Variants in RAB7A observed in about 807,000 individuals in gnomAD.
RAB7A encodes the protein ras-related protein Rab-7a.
In RAB7A, 2 loss-of-function variants were observed where a neutral mutation model predicts 24.5. The observed-to-expected ratio is 0.08, with a 90% CI of 0.03 to 0.26. The LOEUF (loss-of-function observed/expected upper bound fraction) is 0.26, where lower values mean the gene tolerates loss of function less well. Ranked by LOEUF, RAB7A falls within the 10% of genes least tolerant of loss-of-function variation. The probability of loss-of-function intolerance (pLI) is 1.00; values close to 1 mark genes in which losing one functional copy is unlikely to be tolerated. For missense variants in RAB7A, 118 were observed against 255.7 expected, an observed-to-expected ratio of 0.46 and a Z score of 3.67; for synonymous variants, 100 against 95.9, an observed-to-expected ratio of 1.04 and a Z score of -0.25.
chr3:128,748,113 C>A (rs553166904), intron 1 of RAB7A, among the ~76,000 whole-genome samples: 66 of 152,316 alleles, frequency 4.3e-4, no homozygotes, highest in African/African-American at 1.5e-3. Flanking sequence ...CCTAGAGGCC[C>A]CCTACTGGCC....
rs189685767 is a variant in RAB7A, at chr3:128,809,192, T to G, written c.528+1521T>G. On this transcript the variant is annotated intron_variant, in intron 5 of 5. Transcript: ENST00000265062. The stretch of plus-strand genomic sequence containing the variant: ...GTCCCTGTTGTCTTTATGCTTTTAT[T>G]TTTAGAGCTAGCCCTTAAGAAGTTA... Among the ~76,000 whole-genome samples, 4 of 152,350 alleles carry G rather than the reference T, an allele frequency of 2.6e-5. No homozygotes were observed. The East Asian group carries it at 7.7e-4, about 29-fold the overall frequency.
chr3:128,809,936 C>CTTTTTTT (rs869119619), intron 5 of RAB7A, among the ~76,000 whole-genome samples: 525 of 52,244 alleles, frequency 0.01, 147 homozygotes, highest in African/African-American at 0.02. Context: ...TTGCCACAGT[C>CTTTTTTT]TTTTTTTTTT....
chr3:128,813,472 G>A lies in RAB7A; in HGVS notation c.*50G>A, dbSNP rs755728008. 17 of 1,517,096 alleles carry A rather than the reference G, an allele frequency of 1.1e-5. No homozygotes were observed. In the African/African-American group the frequency reaches 1.2e-4, roughly 11 times the overall value. The allele number at this position is 1,517,096 out of a possible 1,614,324, so 94.0% of individuals were successfully genotyped here. A position where few individuals can be genotyped will look rare whatever the true frequency, so the allele number is the denominator to read the frequency against. On this transcript the variant is annotated 3_prime_UTR_variant, in exon 6 of 6. Coordinates refer to ENST00000265062, the MANE Select transcript of RAB7A (RefSeq NM_004637.6). ...AGTCCTTCACAAACCAAGAACACACGTAGGCCTTCAACACAATTCCCCTCT... is the reference window on the plus strand; with the variant it reads ...AGTCCTTCACAAACCAAGAACACACATAGGCCTTCAACACAATTCCCCTCT...
At chr3:128,805,117 TTTTGTTTGTTTGTTTG>T (rs113016574) in intron 3 of RAB7A, among the ~76,000 whole-genome samples, 1 of 151,970 alleles carries the variant, frequency 6.6e-6, no homozygotes, top group Non-Finnish European at 1.5e-5. Context: ...CCAAGTGTTC[TTTTGTTTGTTTGTTTG>T]TTTGTTTGTT....
chr3:128,775,741 T>C lies in RAB7A; in HGVS notation c.-8-19619T>C, dbSNP rs564570667. Among the ~76,000 whole-genome samples, 5 of 152,298 alleles carry C rather than the reference T, an allele frequency of 3.3e-5. No homozygotes were observed. In the East Asian group the frequency reaches 9.6e-4, roughly 29 times the overall value. ...CCATGAAATGCCTGTTAAGTAGAAT[T>C]CTTTTTTTTTAACTTGACAAGTAAT... On this transcript the variant is annotated intron_variant, in intron 1 of 5. Coordinates refer to ENST00000265062, the MANE Select transcript of RAB7A (RefSeq NM_004637.6).
intron 1 of RAB7A, among the ~76,000 whole-genome samples, chr3:128,746,161 A>G (rs1420299615): frequency 6.6e-6 from 1 of 152,108 alleles, no homozygotes; most frequent in Non-Finnish European, 1.5e-5. Flanking sequence ...GAAACATTGT[A>G]CCCTTTGATA....
chr3:128,804,436 T>C (rs1408417104), intron 3 of RAB7A, among the ~76,000 whole-genome samples: 2 of 152,242 alleles, frequency 1.3e-5, no homozygotes, highest in African/African-American at 2.4e-5. Flanking sequence ...TCTTTGCTAT[T>C]GTGTCTGGTG....
At chr3:128,806,706 C>T (rs1933811438) in intron 4 of RAB7A, 116 bp downstream of exon 4, 7 of 1,069,596 alleles carry the variant, frequency 6.5e-6, no homozygotes, top group South Asian at 4.0e-5. Context: ...TGGGAGTCTT[C>T]ATTACCATAT....
chr3:128,784,209 A>G (rs34992870), intron 1 of RAB7A, among the ~76,000 whole-genome samples: 24,733 of 152,202 alleles, frequency 0.16, 2,453 homozygotes, highest in South Asian at 0.3. Context: ...TAGCATGTCT[A>G]AAATCAAACA....
intron 1 of RAB7A, among the ~76,000 whole-genome samples, chr3:128,726,717 A>C (rs904640743): frequency 2.0e-5 from 3 of 152,088 alleles, no homozygotes; most frequent in Admixed American, 2.0e-4. Flanking sequence ...CGCGGCGAGC[A>C]GGAGGGTGTC....
chr3:128,737,825 GTTTTTTTTTTTTTTTTTTTTTT>G (rs56027163), intron 1 of RAB7A, among the ~76,000 whole-genome samples: 1 of 59,482 alleles, frequency 1.7e-5, no homozygotes, highest in Non-Finnish European at 3.0e-5. Flanking sequence ...TTTTTTTGTA[GTTTTTTTTTTTTTTTTTTTTTT>G]TTTTTTTTTT....
At chr3:128,785,988 AG>A in intron 1 of RAB7A, among the ~76,000 whole-genome samples, 1 of 152,150 alleles carries the variant, frequency 6.6e-6, no homozygotes, top group East Asian at 1.9e-4. Flanking sequence ...ATTCCACAAA[AG>A]TGGCTTGGCC....
At chr3:128,763,047 A>G (rs1027022486) in intron 1 of RAB7A, among the ~76,000 whole-genome samples, 2 of 151,588 alleles carry the variant, frequency 1.3e-5, no homozygotes, top group Non-Finnish European at 2.9e-5. Context: ...TTAGTTTTGG[A>G]AAGATCAAGC....
At chr3:128,756,164 C>T (rs570812191) in intron 1 of RAB7A, among the ~76,000 whole-genome samples, 397 of 152,126 alleles carry the variant, frequency 2.6e-3, no homozygotes, top group African/African-American at 9.1e-3. Context: ...GGTGAAACCC[C>T]GTCTCTACTA....
chr3:128,792,297 A>G (rs1473107174), intron 1 of RAB7A, among the ~76,000 whole-genome samples: 1 of 152,234 alleles, frequency 6.6e-6, no homozygotes, highest in African/African-American at 2.4e-5. Flanking sequence ...AGTGAAACCT[A>G]TTAACAAAGC....
rs866230790 is a variant in RAB7A at position 128,763,206 on chromosome 3, A to T, written c.-8-32154A>T. ...ATTTAGCTTATATATATATATATAT[A>T]TATTTTTTTTTTTTTTTTTTTTTTT... On this transcript the variant is annotated intron_variant, in intron 1 of 5. Transcript: ENST00000265062. Among the ~76,000 whole-genome samples the T allele has an allele frequency of 8.8e-4, 88 of 100,444 alleles. No homozygotes were observed. In the South Asian group the frequency reaches 9.4e-3, roughly 11 times the overall value. The allele number at this position is 100,444 out of a possible 152,430, so 65.9% of individuals were successfully genotyped here. A position where few individuals can be genotyped will look rare whatever the true frequency, so the allele number is the denominator to read the frequency against.
chr3:128,730,604 G>A (rs1183783917), intron 1 of RAB7A, among the ~76,000 whole-genome samples: 1 of 152,138 alleles, frequency 6.6e-6, no homozygotes, highest in African/African-American at 2.4e-5. Context: ...GTGATGTGGC[G>A]AGTGAAATCA....
At chr3:128,727,968 T>A (rs2107579708) in intron 1 of RAB7A, among the ~76,000 whole-genome samples, 1 of 152,222 alleles carries the variant, frequency 6.6e-6, no homozygotes, top group African/African-American at 2.4e-5. Flanking sequence ...TTTTTTTTTT[T>A]AACTTTGCTA....
At chr3:128,809,936 CTTTTTTTTTTTTTTTTTTTT>C (rs869119619) in intron 5 of RAB7A, among the ~76,000 whole-genome samples, 3 of 52,260 alleles carry the variant, frequency 5.7e-5, no homozygotes, top group African/African-American at 2.5e-4. Flanking sequence ...TTGCCACAGT[CTTTTTTTTTTTTTTTTTTTT>C]TTTTTTTTTT....
Sources: gnomAD v4.1 joint callset for allele counts (sites outside exome capture counted in the v4.1 genomes callset) on GRCh38, gnomAD v4.1.1 for gene constraint, MANE v1.5 for transcripts, NCBI Gene and HGNC (gene_info 2026-07-23, HGNC 2026-07-21) for gene names.